The following GALNT13 variants were observed in gnomAD, a reference collection of about 807,000 sequenced individuals.
GALNT13 encodes polypeptide N-acetylgalactosaminyltransferase 13, also known as UDP-GalNAc:polypeptide N-acetylgalactosaminyltransferase 13.
GALNT13 carries 28 observed loss-of-function variants against 64.2 expected under a neutral mutation model. The ratio of observed to expected loss-of-function variants is 0.44; its 90% CI spans 0.32 to 0.60. The LOEUF (loss-of-function observed/expected upper bound fraction) is 0.60. Among genes scored for constraint, GALNT13 ranks in the 20% least tolerant of loss-of-function variants. The pLI is 0.05. For missense variants in GALNT13, 577 were observed against 669.8 expected (o/e 0.86, Z 1.53); for synonymous variants, 214 against 224.6 (o/e 0.95, Z 0.42).
intron 3 of GALNT13, among the ~76,000 whole-genome samples, chr2:153,974,329 G>C (rs1226681548): frequency 6.6e-6 from 1 of 152,080 alleles, no homozygotes; most frequent in African/African-American, 2.4e-5. Flanking sequence ...GTATGAGACA[G>C]ATTTGTATTT....
the GALNT13 span, among the ~76,000 whole-genome samples, chr2:153,219,453 C>T: frequency 6.6e-6 from 1 of 152,202 alleles, no homozygotes; most frequent in Non-Finnish European, 1.5e-5. Context: ...GAAAACAACT[C>T]ATGACTTAAT....
chr2:153,481,897 G>A, the GALNT13 span, among the ~76,000 whole-genome samples: 3 of 152,190 alleles, frequency 2.0e-5, no homozygotes, highest in Non-Finnish European at 1.5e-5. Flanking sequence ...AACATTGAAA[G>A]GATATTTATT....
At chr2:154,408,734 G>A (rs890934908) in intron 10 of GALNT13, among the ~76,000 whole-genome samples, 2 of 151,892 alleles carry the variant, frequency 1.3e-5, no homozygotes, top group South Asian at 2.1e-4. Context: ...CTATAAACAG[G>A]GAATGTTTCT....
the GALNT13 span, among the ~76,000 whole-genome samples, chr2:153,582,963 T>A: frequency 6.6e-6 from 1 of 152,194 alleles, no homozygotes; most frequent in African/African-American, 2.4e-5. Flanking sequence ...GGCATATAGA[T>A]GTGGAGCTAG....
At chr2:154,038,931 T>C (rs1156629191) in intron 3 of GALNT13, among the ~76,000 whole-genome samples, 3 of 151,962 alleles carry the variant, frequency 2.0e-5, no homozygotes, top group African/African-American at 7.2e-5. Context: ...AATGATTCTA[T>C]TAAAAATGGA....
chr2:153,483,070 T>C, the GALNT13 span, among the ~76,000 whole-genome samples: 19 of 152,160 alleles, frequency 1.2e-4, no homozygotes, highest in Non-Finnish European at 1.8e-4. Flanking sequence ...TTGACCTTGG[T>C]GAGTAAAAAA....
the GALNT13 span, among the ~76,000 whole-genome samples, chr2:153,498,734 C>T: frequency 6.6e-6 from 1 of 152,180 alleles, no homozygotes; most frequent in Admixed American, 6.5e-5. Context: ...CCTAAAGGGC[C>T]GCAGCTCTTC....
the GALNT13 span, among the ~76,000 whole-genome samples, chr2:153,569,062 C>G: frequency 6.6e-6 from 1 of 152,110 alleles, no homozygotes; most frequent in Admixed American, 6.5e-5. Context: ...AATAGTGCTG[C>G]TATGAACATT....
At chr2:153,212,623 T>A in the GALNT13 span, among the ~76,000 whole-genome samples, 2 of 152,208 alleles carry the variant, frequency 1.3e-5, no homozygotes, top group South Asian at 2.1e-4. Context: ...TTTGAAAGGA[T>A]GCTAGAAAAT....
chr2:153,889,008 G>A (rs917833953), intron 1 of GALNT13, among the ~76,000 whole-genome samples: 1 of 151,854 alleles, frequency 6.6e-6, no homozygotes, highest in Non-Finnish European at 1.5e-5. Flanking sequence ...TATTCTTCAC[G>A]AGCATGAAAT....
the GALNT13 span, among the ~76,000 whole-genome samples, chr2:153,166,115 C>A: frequency 6.6e-6 from 1 of 152,202 alleles, no homozygotes; most frequent in African/African-American, 2.4e-5. Flanking sequence ...CCCAAAGATT[C>A]CCCACTCATT....
chr2:154,410,931 G>C (rs186796530), intron 11 of GALNT13, among the ~76,000 whole-genome samples: 1 of 151,834 alleles, frequency 6.6e-6, no homozygotes, highest in Non-Finnish European at 1.5e-5. Context: ...CAAATACCCA[G>C]AAATAAGCTA....
the GALNT13 span, among the ~76,000 whole-genome samples, chr2:153,311,173 C>T: frequency 6.6e-6 from 1 of 152,098 alleles, no homozygotes; most frequent in Non-Finnish European, 1.5e-5. Flanking sequence ...ATAAGCAATA[C>T]ATACAATCTT....
chr2:153,483,839 C>G, the GALNT13 span, among the ~76,000 whole-genome samples: 2 of 152,098 alleles, frequency 1.3e-5, no homozygotes, highest in South Asian at 4.1e-4. Context: ...GGTACCTAGA[C>G]TAGCCAAATT....
chr2:153,729,669 G>T, the GALNT13 span, among the ~76,000 whole-genome samples: 1 of 151,914 alleles, frequency 6.6e-6, no homozygotes, highest in Non-Finnish European at 1.5e-5. Flanking sequence ...AAATGTAAAA[G>T]TCATCCAGAT....
At chr2:153,098,250 G>A in the GALNT13 span, among the ~76,000 whole-genome samples, 1 of 152,088 alleles carries the variant, frequency 6.6e-6, no homozygotes, top group African/African-American at 2.4e-5. Flanking sequence ...TTCATGAAGG[G>A]CTCTTAGGAA....
At chr2:153,868,418 A>T (rs1394571293), upstream of GALNT13, among the ~76,000 whole-genome samples, 1 of 152,216 alleles carries the variant, frequency 6.6e-6, no homozygotes, top group African/African-American at 2.4e-5. Flanking sequence ...TGTTATAATT[A>T]GAAGAAAATA....
chr2:153,217,979 G>T, the GALNT13 span, among the ~76,000 whole-genome samples: 1 of 152,100 alleles, frequency 6.6e-6, no homozygotes, highest in East Asian at 1.9e-4. Flanking sequence ...TAAGTCTTTA[G>T]TGTGGGGATT....
chr2:153,471,580 A>G, the GALNT13 span, among the ~76,000 whole-genome samples: 2 of 152,116 alleles, frequency 1.3e-5, no homozygotes, highest in Non-Finnish European at 2.9e-5. Flanking sequence ...TCTGCCTGTA[A>G]ATTTCTAGAG....
Sources: gnomAD v4.1 joint callset for allele counts (sites outside exome capture counted in the v4.1 genomes callset) on GRCh38, gnomAD v4.1.1 for gene constraint, MANE v1.5 for transcripts, NCBI Gene and HGNC (gene_info 2026-07-23, HGNC 2026-07-21) for gene names.